Variants in NIPSNAP2 observed in about 807,000 individuals in gnomAD.
The protein encoded by NIPSNAP2 is nipsnap homolog 2.
A neutral mutation model predicts 48.4 loss-of-function variants in NIPSNAP2; 42 were observed. That is an observed-to-expected ratio of 0.87 (90% CI 0.68 to 1.12). The LOEUF (loss-of-function observed/expected upper bound fraction) is 1.12. Among genes scored for constraint, NIPSNAP2 ranks in the 50% most tolerant of loss-of-function variants. The pLI, the probability that NIPSNAP2 is intolerant of heterozygous loss-of-function variation, is 0.00. For synonymous variants in NIPSNAP2, 158 were observed against 126.6 expected (o/e 1.25, Z -1.67); for missense variants, 314 against 347.3 (o/e 0.90, Z 0.76).
chr7:55,988,316 A>G (rs1787372369), intron 7 of NIPSNAP2, among the ~76,000 whole-genome samples: 1 of 152,176 alleles, frequency 6.6e-6, no homozygotes, highest in Non-Finnish European at 1.5e-5. Flanking sequence ...GGATTTGAAT[A>G]GGATTTCACC....
At chr7:55,982,512 G>A (rs1164277417) in intron 5 of NIPSNAP2, among the ~76,000 whole-genome samples, 4 of 152,112 alleles carry the variant, frequency 2.6e-5, no homozygotes, top group Admixed American at 2.0e-4. Context: ...ACTTTGGGAG[G>A]CCAAGGCAGG....
chr7:55,984,758 C>G, intron 6 of NIPSNAP2, 89 bp from the exon 7 acceptor site: 2 of 976,450 alleles, frequency 2.0e-6, no homozygotes, highest in Non-Finnish European at 3.2e-6. Context: ...TTAGTTTTGT[C>G]ACTTAATGTT....
intron 9 of NIPSNAP2, 33 bp from the exon 10 acceptor site, chr7:55,998,975 T>G (rs201851640): frequency 1.8e-4 from 286 of 1,563,996 alleles, no homozygotes; most frequent in Non-Finnish European, 2.4e-4. Context: ...GTTTAGAAAG[T>G]AACAAGTGCA....
intron 5 of NIPSNAP2, 66 bp downstream of exon 5, chr7:55,982,346 CTT>C: frequency 2.1e-6 from 2 of 937,212 alleles, no homozygotes. Context: ...AATTAAATGA[CTT>C]TTCTGTCTTC....
chr7:55,998,888 G>GAT (rs1317814458), intron 9 of NIPSNAP2, 120 bp from the exon 10 acceptor site: 3 of 841,590 alleles, frequency 3.6e-6, no homozygotes, highest in Non-Finnish European at 6.1e-6. Context: ...TGTATATTAT[G>GAT]ATATTCTCTT....
rs1175689367 is a variant in NIPSNAP2 at position 55,983,841 on chromosome 7, A to G, written c.558A>G (p.Ile186Met). The change falls in exon 6 of 10, where the codon ATA becomes ATG. Residue 186 changes from isoleucine (I) to methionine (M), a missense_variant. By Grantham distance (10) the Ile-to-Met change is conservative. Transcript: ENST00000322090. ...NEPVPRSGPN[I>M]YELRSYQLRP... ...CTGTGCCAAGATCCGGACCTAATAT[A>G]TATGAACTCAGGTCTTACCAACTCC... 8 of 1,614,060 alleles carry G rather than the reference A, an allele frequency of 5.0e-6. No homozygotes were observed. Among genetic ancestry groups the G allele is most frequent in the Non-Finnish European group, 6.8e-6 (8 of 1,179,942 alleles).
intron 1 of NIPSNAP2, among the ~76,000 whole-genome samples, chr7:55,967,046 G>A (rs548774880): frequency 1.9e-4 from 29 of 152,336 alleles, no homozygotes; most frequent in East Asian, 5.8e-4. Flanking sequence ...GCGTCCTCCC[G>A]GGAGCCTCAT....
intron 7 of NIPSNAP2, among the ~76,000 whole-genome samples, chr7:55,990,247 G>A (rs7795095): frequency 0.49 from 52,532 of 107,662 alleles, 10,074 homozygotes; most frequent in Non-Finnish European, 0.53. Context: ...TTTTTTTTTT[G>A]AGACGGAGTC....
At chr7:55,993,406 C>T (rs1394219232) in intron 7 of NIPSNAP2, among the ~76,000 whole-genome samples, 2 of 151,820 alleles carry the variant, frequency 1.3e-5, no homozygotes, top group East Asian at 1.9e-4. Flanking sequence ...GGCGAAACCT[C>T]ATGCCTACCA....
At chr7:55,998,689 C>T (rs1177665668) in intron 9 of NIPSNAP2, among the ~76,000 whole-genome samples, 7 of 151,828 alleles carry the variant, frequency 4.6e-5, no homozygotes, top group Non-Finnish European at 1.0e-4. Flanking sequence ...TTACTAGAGA[C>T]AGGGTTTCAC....
At chr7:55,983,691 T>A in intron 5 of NIPSNAP2, 37 bp from the exon 6 acceptor site, 1 of 1,608,606 alleles carries the variant, frequency 6.2e-7, no homozygotes, top group Non-Finnish European at 8.5e-7. Context: ...TATGTAAGTA[T>A]CAGAAGATTT....
At chr7:55,991,019 G>A (rs1474623993) in intron 7 of NIPSNAP2, among the ~76,000 whole-genome samples, 1 of 151,874 alleles carries the variant, frequency 6.6e-6, no homozygotes, top group Non-Finnish European at 1.5e-5. Flanking sequence ...TCGAACTTCT[G>A]ACTTCAAGTG....
At chr7:55,966,425 A>G (rs947012820) in intron 1 of NIPSNAP2, among the ~76,000 whole-genome samples, 3 of 152,076 alleles carry the variant, frequency 2.0e-5, no homozygotes, top group Non-Finnish European at 4.4e-5. Context: ...TGGGCAACAT[A>G]GTGGAACTCT....
chr7:55,997,264 G>C, intron 8 of NIPSNAP2, 102 bp from the exon 9 acceptor site: 1 of 836,294 alleles, frequency 1.2e-6, no homozygotes, highest in Admixed American at 1.8e-5. Flanking sequence ...AGTAGTCCCT[G>C]AGAAAACTAG....
At chr7:55,981,845 G>T in intron 4 of NIPSNAP2, 1 of 374,904 alleles carries the variant, frequency 2.7e-6, no homozygotes, top group South Asian at 3.7e-5. Flanking sequence ...TTGCTCTGTT[G>T]CCCAGGCTGG....
Position 55,999,763 on chromosome 7 carries a change from A to G in NIPSNAP2, c.*691A>G, listed in dbSNP as rs544279839. 101 of 152,408 alleles carry G rather than the reference A, an allele frequency of 6.6e-4. 1 individual carries two copies. Among genetic ancestry groups the G allele is most frequent in the African/African-American group, 2.4e-3 (98 of 41,588 alleles). 9.4% of individuals were successfully genotyped at this position (152,408 alleles called of 1,614,324 possible). On this transcript the variant is annotated 3_prime_UTR_variant, in exon 10 of 10. Coordinates refer to ENST00000322090, the MANE Select transcript of NIPSNAP2 (RefSeq NM_001483.3). ...TGTGATTTTGAAATGAACACCTTGA[A>G]TAGCACTAATTTTTATTTGTGGTAT...
intron 7 of NIPSNAP2, among the ~76,000 whole-genome samples, chr7:55,986,981 TA>T (rs148462801): frequency 1.2e-3 from 52 of 44,596 alleles, no homozygotes; most frequent in African/African-American, 2.7e-3. Context: ...ACCCTGTCTC[TA>T]TAAAAAAAAA....
chr7:55,964,641 C>G lies in NIPSNAP2; in HGVS notation c.32C>G (p.Ala11Gly). Reference sequence around the variant, plus strand: ...GCGCGAGTGCTGCGCGCCCGCGGAGCGGCCTGGGCCGGCGGCCTCCTGCAG... The same window carrying G: ...GCGCGAGTGCTGCGCGCCCGCGGAGGGGCCTGGGCCGGCGGCCTCCTGCAG... Reference protein sequence around the residue: MAARVLRARGAAWAGGLLQRA... With the variant: MAARVLRARGGAWAGGLLQRA... Residue 11 changes from alanine (A) to glycine (G), a missense_variant, in exon 1 of 10, where the codon GCG becomes GGG. This residue lies in a region of NIPSNAP2 where 198 missense variants were observed against 185.5 expected (regional missense o/e 1.07). Coordinates refer to ENST00000322090, the MANE Select transcript of NIPSNAP2 (RefSeq NM_001483.3). 4 of 1,082,050 alleles carry G rather than the reference C, an allele frequency of 3.7e-6. No homozygotes were observed. Among genetic ancestry groups the G allele is most frequent in the Non-Finnish European group, 4.5e-6 (4 of 893,410 alleles). 67.0% of individuals were successfully genotyped at this position (1,082,050 alleles called of 1,614,324 possible).
chr7:55,993,859 C>G (rs1787500673), intron 7 of NIPSNAP2, among the ~76,000 whole-genome samples: 3 of 151,710 alleles, frequency 2.0e-5, no homozygotes, highest in Admixed American at 6.6e-5. Context: ...TTAGTACTTT[C>G]TTCCATATTT....
Sources: allele counts gnomAD v4.1 joint callset (sites outside exome capture counted in the v4.1 genomes callset), GRCh38; gene constraint gnomAD v4.1.1; regional missense constraint gnomAD v4.1.1; transcripts MANE v1.5; gene names NCBI Gene and HGNC (gene_info 2026-07-23, HGNC 2026-07-21).